The following PLEKHD1 variants were observed in gnomAD, a reference collection of about 807,000 sequenced individuals.
PLEKHD1 encodes the protein pleckstrin homology and coiled-coil domain containing D1.
A neutral mutation model predicts 69.2 loss-of-function variants in PLEKHD1; 51 were observed. The observed-to-expected ratio is 0.74, with a 90% CI of 0.59 to 0.93. The LOEUF is 0.93. Ranked by LOEUF, PLEKHD1 falls within the 40% of genes least tolerant of loss-of-function variation. The pLI, the probability that PLEKHD1 is intolerant of heterozygous loss-of-function variation, is 0.00. For synonymous variants in PLEKHD1, 236 were observed against 244.7 expected, an observed-to-expected ratio of 0.96 and a Z score of 0.33; for missense variants, 584 against 641.0, an observed-to-expected ratio of 0.91 and a Z score of 0.96.
chr14:69,526,349 T>C (rs1883647531), intron 9 of PLEKHD1, among the ~76,000 whole-genome samples: 1 of 152,186 alleles, frequency 6.6e-6, no homozygotes, highest in African/African-American at 2.4e-5. Flanking sequence ...CCATGCAGAC[T>C]TATTAAGTCC....
At chr14:69,498,491 C>T (rs1034816847) in intron 1 of PLEKHD1, among the ~76,000 whole-genome samples, 21 of 152,180 alleles carry the variant, frequency 1.4e-4, no homozygotes, top group Admixed American at 4.6e-4. Flanking sequence ...GGCCTGCCTC[C>T]GCATAGCAGC....
chr14:69,525,193 T>C (rs1410910566), intron 8 of PLEKHD1, among the ~76,000 whole-genome samples: 1 of 152,168 alleles, frequency 6.6e-6, no homozygotes, highest in Admixed American at 6.5e-5. Flanking sequence ...TTCAGTAGAC[T>C]GTGTCTTCAT....
chr14:69,521,302 A>G (rs1883509357), intron 6 of PLEKHD1, among the ~76,000 whole-genome samples: 1 of 152,156 alleles, frequency 6.6e-6, no homozygotes, highest in Admixed American at 6.5e-5. Context: ...TAGTTTAGAA[A>G]TGGAGGTCAT....
chr14:69,514,274 T>C (rs544045150), intron 6 of PLEKHD1, among the ~76,000 whole-genome samples: 227 of 152,186 alleles, frequency 1.5e-3, no homozygotes, highest in African/African-American at 5.1e-3. Flanking sequence ...TCAGCCTTTT[T>C]TCTCTTTGCT....
Position 69,526,864 on chromosome 14 carries a change from C to T in PLEKHD1, c.1056+35C>T, listed in dbSNP as rs1362334681. 5 of 1,498,232 alleles carry T rather than the reference C, an allele frequency of 3.3e-6. No individual in the cohort carries two copies. In the South Asian group the frequency reaches 6.6e-5, roughly 20 times the overall value. The allele number at this position is 1,498,232 out of a possible 1,614,324, so 92.8% of individuals were successfully genotyped here. The stretch of plus-strand genomic sequence containing the variant: ...GGCCTGCTGGTGCCAGGGCCCTTCC[C>T]CTTCCCTGGAGACTCCCCTTCCACC... On this transcript the variant is annotated intron_variant, in intron 10 of 12. Transcript: ENST00000322564.
intron 4 of PLEKHD1, chr14:69,501,322 AT>A: frequency 2.8e-6 from 1 of 356,968 alleles, no homozygotes; most frequent in East Asian, 5.9e-5. Flanking sequence ...AACCCAGTCC[AT>A]TTTTATGTAA....
intron 1 of PLEKHD1, among the ~76,000 whole-genome samples, chr14:69,492,318 T>C (rs1882794269): frequency 1.3e-5 from 2 of 152,258 alleles, no homozygotes; most frequent in African/African-American, 2.4e-5. Context: ...AAGCCCTGCT[T>C]AGTTGTCACA....
At chr14:69,499,908 C>G (rs1882983229) in intron 1 of PLEKHD1, among the ~76,000 whole-genome samples, 1 of 152,232 alleles carries the variant, frequency 6.6e-6, no homozygotes, top group South Asian at 2.1e-4. Flanking sequence ...AGCTGGCCAC[C>G]TGTGCAGGGG....
At chr14:69,509,937 CAA>C (rs879827722) in intron 6 of PLEKHD1, among the ~76,000 whole-genome samples, 2 of 141,300 alleles carry the variant, frequency 1.4e-5, no homozygotes, top group African/African-American at 5.2e-5. Flanking sequence ...GACTCCATCT[CAA>C]AAAAAAAAAA....
At chr14:69,483,547 G>C (rs1029832439), upstream of PLEKHD1, among the ~76,000 whole-genome samples, 1 of 152,178 alleles carries the variant, frequency 6.6e-6, no homozygotes, top group African/African-American at 2.4e-5. Flanking sequence ...CTGTTGCTTT[G>C]GGTGGGGTTA....
intron 6 of PLEKHD1, among the ~76,000 whole-genome samples, chr14:69,520,166 CAAAAAAAAAAAAA>C (rs761343645): frequency 4.4e-4 from 9 of 20,510 alleles, no homozygotes; most frequent in East Asian, 1.9e-3. Context: ...GACTCTGTCT[CAAAAAAAAAAAAA>C]AAAAAAAAAA....
intron 7 of PLEKHD1, among the ~76,000 whole-genome samples, chr14:69,522,946 G>A (rs1941031192): frequency 6.6e-6 from 1 of 151,854 alleles, no homozygotes; most frequent in African/African-American, 2.4e-5. Flanking sequence ...TTGTTTGTTT[G>A]TTTTTGAGAC....
chr14:69,520,166 C>CAAAAAA (rs761343645), intron 6 of PLEKHD1, among the ~76,000 whole-genome samples: 5 of 20,512 alleles, frequency 2.4e-4, no homozygotes, highest in South Asian at 2.6e-3. Context: ...GACTCTGTCT[C>CAAAAAA]AAAAAAAAAA....
In PLEKHD1 at chr14:69,518,018, ATTTATTTATTTATTTG is replaced by A. The variant is rs1286902607; in HGVS notation, c.556-4261_556-4246del. ...ATTTTATTTATTTATTTATTTATTT[ATTTATTTATTTATTTG>A]TTTGTTTGTTTGTTTGAGACAGGGC... On this transcript the variant is annotated intron_variant, in intron 6 of 12. Transcript: ENST00000322564. Among the ~76,000 whole-genome samples the A allele has an allele frequency of 2.3e-3, 139 of 59,668 alleles. 1 individual carries two copies. Among genetic ancestry groups the A allele is most frequent in the Middle Eastern group, 0.016 (2 of 122 alleles). 39.1% of individuals were successfully genotyped at this position (59,668 alleles called of 152,430 possible). A position where few individuals can be genotyped will look rare whatever the true frequency, so the allele number is the denominator to read the frequency against.
At chr14:69,473,986 C>A in the PLEKHD1 span, among the ~76,000 whole-genome samples, 1 of 152,128 alleles carries the variant, frequency 6.6e-6, no homozygotes, top group Non-Finnish European at 1.5e-5. Flanking sequence ...GCAGTAGAAC[C>A]TATATTGTAT....
At chr14:69,494,636 A>C (rs145018766) in intron 1 of PLEKHD1, among the ~76,000 whole-genome samples, 7 of 152,386 alleles carry the variant, frequency 4.6e-5, no homozygotes, top group African/African-American at 1.7e-4. Flanking sequence ...CAGAAAGGGC[A>C]GCCATCTCTC....
At chr14:69,514,341 C>T (rs915838433) in intron 6 of PLEKHD1, among the ~76,000 whole-genome samples, 8 of 150,930 alleles carry the variant, frequency 5.3e-5, no homozygotes, top group Admixed American at 2.6e-4. Flanking sequence ...TTTTTTTCCT[C>T]GGCCATGTCC....
At chr14:69,486,299 CA>C (rs1244484775) in intron 1 of PLEKHD1, among the ~76,000 whole-genome samples, 1 of 152,208 alleles carries the variant, frequency 6.6e-6, no homozygotes, top group African/African-American at 2.4e-5. Flanking sequence ...GACCGCAGAA[CA>C]AATGGAGCTG....
At chr14:69,476,370 CAT>C in the PLEKHD1 span, among the ~76,000 whole-genome samples, 26 of 149,562 alleles carry the variant, frequency 1.7e-4, no homozygotes, top group Non-Finnish European at 2.8e-4. Flanking sequence ...GCATGGCCAA[CAT>C]AGCAAGATCC....
Sources: allele counts gnomAD v4.1 joint callset (sites outside exome capture counted in the v4.1 genomes callset), GRCh38; gene constraint gnomAD v4.1.1; transcripts MANE v1.5; gene names NCBI Gene and HGNC (gene_info 2026-07-23, HGNC 2026-07-21).